The following AGAP1 variants were observed in gnomAD, a reference collection of about 807,000 sequenced individuals.
AGAP1 encodes the protein arf-GAP with GTPase, ANK repeat and PH domain-containing protein 1.
Under a neutral mutation model 105.3 loss-of-function variants are expected in AGAP1, and 29 were observed. That is an observed-to-expected ratio of 0.28 (90% CI 0.21 to 0.38). The LOEUF is 0.38. Among genes scored for constraint, AGAP1 ranks in the 10% least tolerant of loss-of-function variants. The pLI is 1.00. For missense variants in AGAP1, 998 were observed against 1,165.1 expected (o/e 0.86, Z 2.09); for synonymous variants, 509 against 485.9 (o/e 1.05, Z -0.63).
At chr2:235,648,774 C>G (rs1947480499) in intron 1 of AGAP1, among the ~76,000 whole-genome samples, 1 of 151,456 alleles carries the variant, frequency 6.6e-6, no homozygotes, top group Non-Finnish European at 1.5e-5. Context: ...GTAGCCCCAG[C>G]TACTCGGGAG....
intron 16 of AGAP1, among the ~76,000 whole-genome samples, chr2:236,067,636 G>A (rs1344041537): frequency 2.0e-5 from 3 of 152,148 alleles, no homozygotes; most frequent in African/African-American, 4.8e-5. Context: ...GTTACTATGC[G>A]CTAGATGATG....
intron 13 of AGAP1, among the ~76,000 whole-genome samples, chr2:236,017,031 G>A (rs919657748): frequency 6.6e-6 from 1 of 152,050 alleles, no homozygotes. Context: ...GCTCATACCT[G>A]TAATCCCAGC....
intron 1 of AGAP1, among the ~76,000 whole-genome samples, chr2:235,541,303 C>A (rs1322742713): frequency 6.6e-6 from 1 of 151,718 alleles, no homozygotes; most frequent in African/African-American, 2.4e-5. Flanking sequence ...GGCCTCTTCT[C>A]CATTTACTTT....
chr2:235,658,851 G>A (rs899069168), intron 1 of AGAP1, among the ~76,000 whole-genome samples: 6 of 152,152 alleles, frequency 3.9e-5, no homozygotes, highest in Admixed American at 6.5e-5. Context: ...CCTCCCCCTC[G>A]GAATACCCGT....
chr2:235,659,271 G>C lies in AGAP1; in HGVS notation c.164-49908G>C, dbSNP rs776509339. On this transcript the variant is annotated intron_variant, in intron 1 of 17. Coordinates refer to ENST00000304032, the MANE Select transcript of AGAP1 (RefSeq NM_001037131.3). This position sits in a 1 kb window ranked among gnomAD's most constrained non-coding sequence, Gnocchi z 5.0. ...TGACTTTTTATGTCTTTCTATGTCT[G>C]TAAAATCGGGATAATAATAGTACCT... Among the ~76,000 whole-genome samples the C allele has an allele frequency of 1.3e-5, 2 of 152,160 alleles. No individual in the cohort carries two copies. Among genetic ancestry groups the C allele is most frequent in the Non-Finnish European group, 2.9e-5 (2 of 68,020 alleles).
At chr2:235,749,837 A>G (rs1330094326) in intron 5 of AGAP1, among the ~76,000 whole-genome samples, 1 of 152,186 alleles carries the variant, frequency 6.6e-6, no homozygotes, top group African/African-American at 2.4e-5. Context: ...TGTCTGTTTC[A>G]TGAGAGTGCA....
chr2:235,497,265 C>T (rs889448252), intron 1 of AGAP1, among the ~76,000 whole-genome samples: 9 of 152,138 alleles, frequency 5.9e-5, no homozygotes, highest in African/African-American at 2.2e-4. Flanking sequence ...AATGGAGTTT[C>T]TGTCTCCACA....
Position 235,893,355 on chromosome 2 carries a change from G to A in AGAP1, c.1155+9906G>A, listed in dbSNP as rs1231134290. ...GGTGTGGCTTGTCTGTGGTGTGGGT[G>A]TGCCGTGTCCATCATAGGGGTGTGC... On this transcript the variant is annotated intron_variant, in intron 10 of 17. Transcript: ENST00000304032. The surrounding 1 kb of genome is among the most constrained non-coding windows in gnomAD (Gnocchi z 4.7). Among the ~76,000 whole-genome samples the A allele has an allele frequency of 6.6e-6, 1 of 151,700 alleles. No homozygotes were observed. Among genetic ancestry groups the A allele is most frequent in the Non-Finnish European group, 1.5e-5 (1 of 67,920 alleles).
rs1024115903 is a variant in AGAP1 at position 235,551,489 on chromosome 2, G to A, written c.163+56640G>A. Reference sequence around the variant, plus strand: ...CCTGGCTGATTTTTTTTGTAGAGACGGGTCGTCCAGTGATACTCAGATTGG... The same window carrying A: ...CCTGGCTGATTTTTTTTGTAGAGACAGGTCGTCCAGTGATACTCAGATTGG... On this transcript the variant is annotated intron_variant, in intron 1 of 17. Coordinates refer to ENST00000304032, the MANE Select transcript of AGAP1 (RefSeq NM_001037131.3). This position sits in a 1 kb window ranked among gnomAD's most constrained non-coding sequence, Gnocchi z 4.8. Among the ~76,000 whole-genome samples, 10 of 152,030 alleles carry A rather than the reference G, an allele frequency of 6.6e-5. No individual in the cohort carries two copies. The highest frequency in any genetic ancestry group is 2.2e-4 in the African/African-American group (9 of 41,460).
chr2:235,785,065 A>G (rs1241118011), intron 6 of AGAP1, among the ~76,000 whole-genome samples: 2 of 152,232 alleles, frequency 1.3e-5, no homozygotes, highest in African/African-American at 4.8e-5. Context: ...CTCATTATTA[A>G]CAGAGCAGGG....
At chr2:236,043,722 A>AG (rs1263116117) in intron 15 of AGAP1, among the ~76,000 whole-genome samples, 1 of 147,024 alleles carries the variant, frequency 6.8e-6, no homozygotes, top group African/African-American at 2.6e-5. Context: ...TTTCGTCTCA[A>AG]GGGAAAAAAA....
rs1429053542 is a variant in AGAP1, at chr2:236,096,278, A to T, written c.2115-23914A>T. 1.3e-5 allele frequency among the ~76,000 whole-genome samples: 2 copies of T among 152,150 alleles called. No individual in the cohort carries two copies. The highest frequency in any genetic ancestry group is 4.8e-5 in the African/African-American group (2 of 41,440). On this transcript the variant is annotated intron_variant, in intron 16 of 17. Coordinates refer to ENST00000304032, the MANE Select transcript of AGAP1 (RefSeq NM_001037131.3). This position sits in a 1 kb window ranked among gnomAD's most constrained non-coding sequence, Gnocchi z 4.4. ...CACTTCGGGAGGCCAAGGCGGGGGAATCCCTGAGGTTAGAAGTTCGAGACC... is the reference window on the plus strand; with the variant it reads ...CACTTCGGGAGGCCAAGGCGGGGGATTCCCTGAGGTTAGAAGTTCGAGACC...
chr2:235,576,448 AT>A (rs1944735896), intron 1 of AGAP1, among the ~76,000 whole-genome samples: 1 of 152,070 alleles, frequency 6.6e-6, no homozygotes, highest in African/African-American at 2.4e-5. Flanking sequence ...AGTATGGTAT[AT>A]TCTGGTCACC....
At chr2:236,006,753 G>A (rs1227145601) in intron 13 of AGAP1, among the ~76,000 whole-genome samples, 1 of 152,132 alleles carries the variant, frequency 6.6e-6, no homozygotes, top group African/African-American at 2.4e-5. Flanking sequence ...TGTGTGTACG[G>A]ATATGAACTT....
At chr2:235,894,890 A>C (rs79242946) in intron 10 of AGAP1, among the ~76,000 whole-genome samples, 1 of 152,172 alleles carries the variant, frequency 6.6e-6, no homozygotes, top group Non-Finnish European at 1.5e-5. Context: ...GTTGGTTCCA[A>C]CGTGGCTTTG....
chr2:235,567,274 A>G (rs1440215186), intron 1 of AGAP1, among the ~76,000 whole-genome samples: 1 of 152,174 alleles, frequency 6.6e-6, no homozygotes, highest in East Asian at 1.9e-4. Context: ...GGATGTTCAG[A>G]TATGAGAATG....
At position 235,494,564 on chromosome 2, in the gene AGAP1, G is replaced by C; in HGVS notation, c.-123G>C. ...GCGCCTTTCTTCTCGCGCCTCCTCC[G>C]CCCGCCGCCGGCGGGCCCGGCTCCC... On this transcript the variant is annotated 5_prime_UTR_variant, in exon 1 of 18. Coordinates refer to ENST00000304032, the MANE Select transcript of AGAP1 (RefSeq NM_001037131.3). 1 of 177,878 alleles carries C rather than the reference G, an allele frequency of 5.6e-6. No individual in the cohort carries two copies. Among genetic ancestry groups the C allele is most frequent in the Non-Finnish European group, 1.0e-5 (1 of 99,330 alleles). The allele number at this position is 177,878 out of a possible 1,614,324, so 11.0% of individuals were successfully genotyped here.
intron 1 of AGAP1, among the ~76,000 whole-genome samples, chr2:235,685,934 G>C (rs1949358614): frequency 6.6e-6 from 1 of 152,156 alleles, no homozygotes; most frequent in South Asian, 2.1e-4. Context: ...CAGAAAGGCA[G>C]GACCACTCAA....
In AGAP1 at chr2:235,518,885, G is replaced by A. The variant is rs80011156; in HGVS notation, c.163+24036G>A. Reference sequence around the variant, plus strand: ...CACTTCGTGAATGCCCGCTGCTCCTGCAGCGGAAGAGTCTCCTGTCCTTGG... The same window carrying A: ...CACTTCGTGAATGCCCGCTGCTCCTACAGCGGAAGAGTCTCCTGTCCTTGG... On this transcript the variant is annotated intron_variant, in intron 1 of 17. Transcript: ENST00000304032. Among the ~76,000 whole-genome samples, 20 of 152,340 alleles carry A rather than the reference G, an allele frequency of 1.3e-4. No homozygotes were observed. The East Asian group carries it at 3.9e-3, about 29-fold the overall frequency.
Sources: gnomAD v4.1 joint callset for allele counts (sites outside exome capture counted in the v4.1 genomes callset) on GRCh38, gnomAD v4.1.1 for gene constraint, Gnocchi (gnomAD v3.1) non-coding constraint, MANE v1.5 for transcripts, NCBI Gene and HGNC (gene_info 2026-07-23, HGNC 2026-07-21) for gene names.